Variants in PBX1 observed in about 807,000 individuals in gnomAD.
The protein encoded by PBX1 is pre-B-cell leukemia transcription factor 1.
A neutral mutation model predicts 53.4 loss-of-function variants in PBX1; 6 were observed. The observed-to-expected ratio is 0.11, with a 90% CI of 0.06 to 0.22. The LOEUF is 0.22. Ranked by LOEUF, PBX1 falls within the 10% of genes least tolerant of loss-of-function variation. The probability of loss-of-function intolerance (pLI) is 1.00; values close to 1 mark genes in which losing one functional copy is unlikely to be tolerated. For missense variants in PBX1, 251 were observed against 551.4 expected (o/e 0.46, Z 5.46); for synonymous variants, 204 against 212.3 (o/e 0.96, Z 0.34).
At chr1:164,677,001 T>G (rs1385591582) in intron 2 of PBX1, among the ~76,000 whole-genome samples, 1 of 152,046 alleles carries the variant, frequency 6.6e-6, no homozygotes, top group Admixed American at 6.6e-5. Flanking sequence ...TGGAAGGTAA[T>G]TCTAAGGTTT....
At chr1:164,693,954 T>C (rs1252702069) in intron 2 of PBX1, among the ~76,000 whole-genome samples, 1 of 152,196 alleles carries the variant, frequency 6.6e-6, no homozygotes, top group Non-Finnish European at 1.5e-5. Flanking sequence ...TGTCTAAAAG[T>C]GTCCTCTGTA....
rs1478931845 is a variant in PBX1 at position 164,604,941 on chromosome 1, C to T, written c.265+41630C>T. 3.3e-5 allele frequency among the ~76,000 whole-genome samples: 5 copies of T among 152,134 alleles called. No homozygotes were observed. In the South Asian group the frequency reaches 8.3e-4, roughly 25 times the overall value. Reference sequence around the variant, plus strand: ...GGAAAAAGACAAGACAAACCATCTTCCTTTATTCCATAGAGGTGGAGTGCC... The same window carrying T: ...GGAAAAAGACAAGACAAACCATCTTTCTTTATTCCATAGAGGTGGAGTGCC... On this transcript the variant is annotated intron_variant, in intron 2 of 8. Coordinates refer to ENST00000420696, the MANE Select transcript of PBX1 (RefSeq NM_002585.4).
At chr1:164,569,963 A>G (rs912205670) in intron 2 of PBX1, among the ~76,000 whole-genome samples, 2 of 152,190 alleles carry the variant, frequency 1.3e-5, no homozygotes, top group African/African-American at 4.8e-5. Flanking sequence ...AGAACAGAGG[A>G]AAAGTTTTTA....
At chr1:164,590,967 C>T (rs943755658) in intron 2 of PBX1, among the ~76,000 whole-genome samples, 30 of 151,552 alleles carry the variant, frequency 2.0e-4, no homozygotes, top group African/African-American at 6.6e-4. Context: ...TCTTCAGCCT[C>T]GTGAGTAGCT....
intron 2 of PBX1, among the ~76,000 whole-genome samples, chr1:164,759,001 GATAGTA>G (rs962490366): frequency 6.6e-6 from 1 of 152,226 alleles, no homozygotes; most frequent in Non-Finnish European, 1.5e-5. Context: ...TACCCTTGGA[GATAGTA>G]ACTGTAAAGG....
At chr1:164,731,858 CTATG>C (rs1233720254) in intron 2 of PBX1, among the ~76,000 whole-genome samples, 1 of 152,190 alleles carries the variant, frequency 6.6e-6, no homozygotes, top group African/African-American at 2.4e-5. Flanking sequence ...CTGCAGGTCT[CTATG>C]TATCGCCTGG....
chr1:164,771,092 A>T (rs1006184553), intron 2 of PBX1: 3 of 152,008 alleles, frequency 2.0e-5, no homozygotes, highest in Non-Finnish European at 4.4e-5. Context: ...TCCTGCCTAC[A>T]TCTTCAACTC....
intron 2 of PBX1, among the ~76,000 whole-genome samples, chr1:164,703,473 C>A (rs186179786): frequency 6.6e-6 from 1 of 152,220 alleles, no homozygotes; most frequent in Admixed American, 6.5e-5. Context: ...GGTATAGGTC[C>A]ATGTATTGTT....
rs1671055735 is a variant in PBX1 at position 164,836,680 on chromosome 1, C to T, written c.1201-9904C>T. 2.0e-5 allele frequency among the ~76,000 whole-genome samples: 3 copies of T among 152,162 alleles called. No homozygotes were observed. In the South Asian group the frequency reaches 6.2e-4, roughly 31 times the overall value. Reference sequence around the variant, plus strand: ...CCACCCCCAAGCCTGGGCCTGCTTCCCACTATATCTCCCACAACCCTTCTG... The same window carrying T: ...CCACCCCCAAGCCTGGGCCTGCTTCTCACTATATCTCCCACAACCCTTCTG... On this transcript the variant is annotated intron_variant, in intron 8 of 8. Coordinates refer to ENST00000420696, the MANE Select transcript of PBX1 (RefSeq NM_002585.4).
intron 8 of PBX1, among the ~76,000 whole-genome samples, chr1:164,838,796 G>A (rs1030475719): frequency 1.3e-5 from 2 of 152,096 alleles, no homozygotes; most frequent in African/African-American, 4.8e-5. Context: ...CTGCAGCCAA[G>A]CCATCCAGTA....
intron 2 of PBX1, among the ~76,000 whole-genome samples, chr1:164,634,963 C>G (rs1658653517): frequency 6.6e-6 from 1 of 151,946 alleles, no homozygotes; most frequent in South Asian, 2.1e-4. Flanking sequence ...TGTTGCCTGC[C>G]TGTAGAGATG....
chr1:164,654,312 A>G (rs937445414), intron 2 of PBX1, among the ~76,000 whole-genome samples: 5 of 152,158 alleles, frequency 3.3e-5, no homozygotes, highest in African/African-American at 1.2e-4. Flanking sequence ...GGTCTCTATG[A>G]TTTGCCATTT....
chr1:164,563,396 T>G, intron 2 of PBX1, 85 bp downstream of exon 2: 2 of 863,056 alleles, frequency 2.3e-6, no homozygotes, highest in Non-Finnish European at 3.7e-6. Context: ...TATTTAAATA[T>G]TAAAATTTCA....
Position 164,773,241 on chromosome 1 carries a change from G to A in PBX1, c.266-19253G>A, listed in dbSNP as rs200902094. Among the ~76,000 whole-genome samples, 476 of 135,288 alleles carry A rather than the reference G, an allele frequency of 3.5e-3. 3 individuals carry two copies. The highest frequency in any genetic ancestry group is 0.011 in the African/African-American group (413 of 37,090). 88.8% of individuals were successfully genotyped at this position (135,288 alleles called of 152,430 possible). On this transcript the variant is annotated intron_variant, in intron 2 of 8. Transcript: ENST00000420696. ...TCCAGCTCTTGCATATAGGTAACACGCGCACACACACACACACACACACAC... is the reference window on the plus strand; with the variant it reads ...TCCAGCTCTTGCATATAGGTAACACACGCACACACACACACACACACACAC...
At chr1:164,808,305 G>A (rs1669449438) in intron 5 of PBX1, among the ~76,000 whole-genome samples, 1 of 152,090 alleles carries the variant, frequency 6.6e-6, no homozygotes, top group Admixed American at 6.5e-5. Flanking sequence ...AATTTTTATA[G>A]GCCTAGAGTT....
At chr1:164,699,529 A>G (rs1490328558) in intron 2 of PBX1, among the ~76,000 whole-genome samples, 1 of 152,184 alleles carries the variant, frequency 6.6e-6, no homozygotes, top group Admixed American at 6.5e-5. Flanking sequence ...GGTGTCACAC[A>G]TGTGCTTGAC....
At chr1:164,870,361 CGA>C (rs1672353381) in intron 2 of PBX1, among the ~76,000 whole-genome samples, 5 of 84,980 alleles carry the variant, frequency 5.9e-5, no homozygotes, top group Non-Finnish European at 7.2e-5. Context: ...TTCTTTCTTT[CGA>C]GATGAAGTCT....
chr1:164,726,639 T>C (rs966215957), intron 2 of PBX1, among the ~76,000 whole-genome samples: 5 of 152,184 alleles, frequency 3.3e-5, no homozygotes, highest in African/African-American at 9.7e-5. Context: ...AAAATAGAGG[T>C]CTATGGAGTA....
intron 2 of PBX1, among the ~76,000 whole-genome samples, chr1:164,573,291 G>T (rs1343573797): frequency 2.0e-5 from 3 of 150,972 alleles, no homozygotes; most frequent in Non-Finnish European, 4.4e-5. Context: ...AAATTTTTTA[G>T]TAGCCCCATT....
Sources: gnomAD v4.1 joint callset for allele counts (sites outside exome capture counted in the v4.1 genomes callset) on GRCh38, gnomAD v4.1.1 for gene constraint, MANE v1.5 for transcripts, NCBI Gene and HGNC (gene_info 2026-07-23, HGNC 2026-07-21) for gene names.